The following PTPRO variants were observed in gnomAD, a reference collection of about 807,000 sequenced individuals.
PTPRO encodes the protein receptor-type tyrosine-protein phosphatase O.
In PTPRO, 62 loss-of-function variants were observed where a neutral mutation model predicts 145.2. The observed-to-expected ratio is 0.43, with a 90% CI of 0.35 to 0.53. The LOEUF (loss-of-function observed/expected upper bound fraction) is 0.53, where lower values mean the gene tolerates loss of function less well. Among genes scored for constraint, PTPRO ranks in the 20% least tolerant of loss-of-function variants. The pLI, the probability that PTPRO is intolerant of heterozygous loss-of-function variation, is 0.01. For missense variants in PTPRO, 1,345 were observed against 1,482.7 expected (o/e 0.91, Z 1.53); for synonymous variants, 565 against 514.7 (o/e 1.10, Z -1.32).
At chr12:15,534,298 AGAAAG>A (rs1475353960) in intron 12 of PTPRO, among the ~76,000 whole-genome samples, 2 of 152,160 alleles carry the variant, frequency 1.3e-5, no homozygotes. Context: ...AAAAAGAAAA[AGAAAG>A]GAAAGAAAAA....
chr12:15,392,174 G>A (rs879853351), intron 1 of PTPRO, among the ~76,000 whole-genome samples: 2 of 152,168 alleles, frequency 1.3e-5, no homozygotes, highest in Non-Finnish European at 2.9e-5. Context: ...ACAAATATAT[G>A]TATCAGATGT....
At chr12:15,562,398 A>G (rs1943795697) in intron 17 of PTPRO, among the ~76,000 whole-genome samples, 1 of 152,124 alleles carries the variant, frequency 6.6e-6, no homozygotes. Flanking sequence ...AGCTGCAAAT[A>G]ACAAGAGCCA....
chr12:15,413,447 A>C (rs1182153421), intron 1 of PTPRO, among the ~76,000 whole-genome samples: 1 of 152,216 alleles, frequency 6.6e-6, no homozygotes, highest in East Asian at 1.9e-4. Flanking sequence ...GTGAATGATT[A>C]TATGCTTTAA....
At chr12:15,371,851 C>G (rs759538052) in intron 1 of PTPRO, among the ~76,000 whole-genome samples, 4 of 152,152 alleles carry the variant, frequency 2.6e-5, no homozygotes, top group East Asian at 1.9e-4. Flanking sequence ...GGCTCTTCCC[C>G]CTTCACTCGG....
At chr12:15,484,974 A>G (rs1941856263) in intron 2 of PTPRO, among the ~76,000 whole-genome samples, 1 of 152,120 alleles carries the variant, frequency 6.6e-6, no homozygotes, top group Admixed American at 6.6e-5. Flanking sequence ...TATCTGTAAG[A>G]CAGTAGAGTT....
rs550286808 is a variant in PTPRO, at chr12:15,328,430, C to T, written c.75+5629C>T. ...CCTTTTTCTTCTGAATATTTTAAAA[C>T]CACCAAACAAACAGAAGATGTTTGA... On this transcript the variant is annotated intron_variant, in intron 1 of 26. Transcript: ENST00000281171. Among the ~76,000 whole-genome samples, 16 of 152,220 alleles carry T rather than the reference C, an allele frequency of 1.1e-4. No homozygotes were observed. The South Asian group carries it at 3.3e-3, about 32-fold the overall frequency.
At chr12:15,448,719 G>A (rs1940972259) in intron 1 of PTPRO, among the ~76,000 whole-genome samples, 1 of 152,108 alleles carries the variant, frequency 6.6e-6, no homozygotes, top group African/African-American at 2.4e-5. Context: ...AGGGACGTCA[G>A]CTTTCCATGT....
chr12:15,352,425 C>T (rs1473764726), intron 1 of PTPRO, among the ~76,000 whole-genome samples: 2 of 151,926 alleles, frequency 1.3e-5, no homozygotes, highest in East Asian at 3.9e-4. Flanking sequence ...CCAAGGTGGG[C>T]GGATCACGAG....
At chr12:15,359,824 CT>C (rs1190789822) in intron 1 of PTPRO, among the ~76,000 whole-genome samples, 23 of 152,274 alleles carry the variant, frequency 1.5e-4, no homozygotes, top group Admixed American at 1.3e-4. Flanking sequence ...TTCAGCATCT[CT>C]CTAGGACTTT....
In PTPRO at chr12:15,513,214, A is replaced by G. The variant is rs867987016; in HGVS notation, c.1465-2284A>G. ...GAAAGAAAGAAAGAAAGAAAGAAAG[A>G]AAGAAAGAAAGAAAAGAAAGAAAGA... On this transcript the variant is annotated intron_variant, in intron 7 of 26. Coordinates refer to ENST00000281171, the MANE Select transcript of PTPRO (RefSeq NM_030667.3). 9.9e-3 allele frequency among the ~76,000 whole-genome samples: 1,261 copies of G among 127,392 alleles called. 59 individuals carry two copies. Among genetic ancestry groups the G allele is most frequent in the Non-Finnish European group, 0.015 (860 of 59,096 alleles). The allele number at this position is 127,392 out of a possible 152,430, so 83.6% of individuals were successfully genotyped here.
intron 1 of PTPRO, among the ~76,000 whole-genome samples, chr12:15,362,017 C>T (rs1565586450): frequency 6.6e-6 from 1 of 152,134 alleles, no homozygotes; most frequent in South Asian, 2.1e-4. Context: ...AATCATAGAT[C>T]GGACCTACAA....
At chr12:15,534,789 A>G (rs1440380752) in intron 12 of PTPRO, among the ~76,000 whole-genome samples, 1 of 152,234 alleles carries the variant, frequency 6.6e-6, no homozygotes, top group Non-Finnish European at 1.5e-5. Context: ...TACATTTAAA[A>G]CAATCCCTCT....
At chr12:15,425,147 G>A (rs943550683) in intron 1 of PTPRO, among the ~76,000 whole-genome samples, 2 of 151,984 alleles carry the variant, frequency 1.3e-5, no homozygotes, top group Non-Finnish European at 2.9e-5. Context: ...TGTCATTTTT[G>A]TTGTGCTCAT....
At chr12:15,582,704 G>A (rs977122704) in intron 23 of PTPRO, among the ~76,000 whole-genome samples, 1 of 151,916 alleles carries the variant, frequency 6.6e-6, no homozygotes, top group African/African-American at 2.4e-5. Context: ...AGTAGTTTGG[G>A]TTTTGTTTTG....
chr12:15,437,667 C>T (rs1369335536), intron 1 of PTPRO, among the ~76,000 whole-genome samples: 1 of 151,558 alleles, frequency 6.6e-6, no homozygotes, highest in East Asian at 1.9e-4. Flanking sequence ...GCAGGAAGGC[C>T]CTCTCTGCTC....
At chr12:15,582,014 G>T (rs575127699) in intron 23 of PTPRO, among the ~76,000 whole-genome samples, 1 of 152,360 alleles carries the variant, frequency 6.6e-6, no homozygotes, top group South Asian at 2.1e-4. Flanking sequence ...CAGCAAGCCA[G>T]TGATAAGCAT....
chr12:15,588,507 C>A (rs1944476502), intron 24 of PTPRO, among the ~76,000 whole-genome samples: 1 of 152,120 alleles, frequency 6.6e-6, no homozygotes, highest in Admixed American at 6.5e-5. Context: ...GTGCCCCGAG[C>A]ATTGGGATTG....
rs1331482874 is a variant in PTPRO at position 15,322,544 on chromosome 12, G to C, written c.-183G>C. ...AACAGCAGCGCCTGGCACGTTCTTG[G>C]AGGACCCCGGGCGCAGAGGAGGAAA... On this transcript the variant is annotated 5_prime_UTR_variant, in exon 1 of 27. Coordinates refer to ENST00000281171, the MANE Select transcript of PTPRO (RefSeq NM_030667.3). The surrounding 1 kb of genome is among the most constrained non-coding windows in gnomAD (Gnocchi z 6.3). 1.5e-6 allele frequency: 1 copy of C among 666,396 alleles called. No individual in the cohort carries two copies. Among genetic ancestry groups the C allele is most frequent in the South Asian group, 1.6e-5 (1 of 61,660 alleles). 41.3% of individuals were successfully genotyped at this position (666,396 alleles called of 1,614,324 possible).
chr12:15,489,247 C>T (rs1941951658), intron 2 of PTPRO, among the ~76,000 whole-genome samples: 1 of 151,978 alleles, frequency 6.6e-6, no homozygotes, highest in African/African-American at 2.4e-5. Flanking sequence ...CAATCCAGAC[C>T]CCCAAGAGGG....
Sources: allele counts gnomAD v4.1 joint callset (sites outside exome capture counted in the v4.1 genomes callset), GRCh38; gene constraint gnomAD v4.1.1; non-coding constraint Gnocchi (gnomAD v3.1); transcripts MANE v1.5; gene names NCBI Gene and HGNC (gene_info 2026-07-23, HGNC 2026-07-21).